AKAP14: variants seen among roughly 807,000 people sequenced by gnomAD.
AKAP14 encodes the protein A-kinase anchoring protein 14.
A neutral mutation model predicts 17.0 loss-of-function variants in AKAP14; 4 were observed. The observed-to-expected ratio is 0.23, with a 90% CI of 0.12 to 0.54. The LOEUF (loss-of-function observed/expected upper bound fraction) is 0.54. Among genes scored for constraint, AKAP14 ranks in the 20% least tolerant of loss-of-function variants. AKAP14 has a pLI of 0.95. For missense variants in AKAP14, 129 were observed against 150.9 expected, an observed-to-expected ratio of 0.85 and a Z score of 0.76; for synonymous variants, 42 against 51.3, an observed-to-expected ratio of 0.82 and a Z score of 0.77.
intron 2 of AKAP14, among the ~76,000 whole-genome samples, chrX:119,902,616 T>C (rs2056572939): frequency 1.8e-5 from 2 of 112,216 alleles, no homozygotes; most frequent in Admixed American, 9.5e-5. Context: ...TTGGAATCAA[T>C]ATTGCTAGGC....
At chrX:119,898,095 G>A (rs1444193186) in intron 2 of AKAP14, among the ~76,000 whole-genome samples, 1 of 111,600 alleles carries the variant, frequency 9.0e-6, no homozygotes, top group African/African-American at 3.3e-5. Context: ...CCCAGGAGGC[G>A]GACGTTGCAG....
Position 119,903,281 on chromosome X carries a change from G to A in AKAP14, c.58G>A (p.Ala20Thr), listed in dbSNP as rs1210211627. ...QKAMDEDNKA[A>T]SQTMPNTQDK... Reference sequence around the variant, plus strand: ...AGCAATGGATGAGGATAACAAAGCCGCAAGCCAAACAATGCCGAATACACA... The same window carrying A: ...AGCAATGGATGAGGATAACAAAGCCACAAGCCAAACAATGCCGAATACACA... The change falls in exon 3 of 7, where the codon GCA becomes ACA. Residue 20 changes from alanine to threonine, a missense_variant. By Grantham distance (58) the Ala-to-Thr change is moderately conservative. Transcript: ENST00000371431. The A allele has an allele frequency of 6.6e-6, 8 of 1,210,160 alleles. No individual in the cohort carries two copies. The highest frequency in any genetic ancestry group is 5.9e-5 in the East Asian group (2 of 33,769).
intron 4 of AKAP14, among the ~76,000 whole-genome samples, chrX:119,905,626 C>T (rs190810744): frequency 2.6e-3 from 287 of 111,284 alleles, no homozygotes; most frequent in Non-Finnish European, 4.3e-3. Flanking sequence ...CTTCTTCCCT[C>T]GGCCACACTT....
chrX:119,903,298 G>A lies in AKAP14; in HGVS notation c.75G>A (p.Pro25=), dbSNP rs752908068. Residue 25 remains proline, a synonymous_variant, in exon 3 of 7, where the codon CCG becomes CCA. Transcript: ENST00000371431. ...ACAAAGCCGCAAGCCAAACAATGCC[G>A]AATACACAAGACAAGAACTACGAGG... The part of the protein sequence containing the change: ...EDNKAASQTM[P]NTQDKNYEDE... The A allele has an allele frequency of 3.3e-6, 4 of 1,210,422 alleles. No individual in the cohort carries two copies. In the South Asian group the frequency reaches 5.3e-5, roughly 16 times the overall value.
At chrX:119,914,479 C>T (rs1227437061) in intron 4 of AKAP14, among the ~76,000 whole-genome samples, 4 of 109,677 alleles carry the variant, frequency 3.6e-5, no homozygotes, top group African/African-American at 1.3e-4. Flanking sequence ...TGCCACCATG[C>T]CTGGCTAATT....
Position 119,911,047 on chromosome X carries a change from C to T in AKAP14, c.262-3652C>T, listed in dbSNP as rs1368509635. 5.6e-5 allele frequency among the ~76,000 whole-genome samples: 6 copies of T among 107,901 alleles called. No homozygotes were observed. The Admixed American group carries it at 6.0e-4, about 11-fold the overall frequency. The allele number at this position is 107,901 out of a possible 115,157, so 93.7% of individuals were successfully genotyped here. ...TTACTATGCCTTACAGATAAGTCAG[C>T]CCTGTTAGAAATGTTTTAATATTGG... is the stretch of plus-strand genomic sequence containing the variant. On this transcript the variant is annotated intron_variant, in intron 4 of 6. Transcript: ENST00000371431.
intron 4 of AKAP14, among the ~76,000 whole-genome samples, chrX:119,904,403 C>G (rs752998087): frequency 8.9e-6 from 1 of 112,762 alleles, no homozygotes; most frequent in East Asian, 2.8e-4. Context: ...CGTGTGGCAG[C>G]TTTGCTGAGA....
At chrX:119,897,281 C>T (rs928402657) in intron 2 of AKAP14, among the ~76,000 whole-genome samples, 17 of 109,500 alleles carry the variant, frequency 1.6e-4, no homozygotes, top group Non-Finnish European at 3.2e-4. Context: ...TGCCTCAGAC[C>T]CCCAAGTAGC....
chrX:119,903,266 G>A lies in AKAP14; in HGVS notation c.43G>A (p.Glu15Lys). ...TTCAACAAGCCAGAAAGCAATGGAT[G>A]AGGATAACAAAGCCGCAAGCCAAAC... ...QNSTSQKAMDEDNKAASQTMP... is the reference protein window; with the variant it reads ...QNSTSQKAMDKDNKAASQTMP... Residue 15 changes from glutamate (E) to lysine (K), a missense_variant, in exon 3 of 7, where the codon GAG becomes AAG. Coordinates refer to ENST00000371431, the MANE Select transcript of AKAP14 (RefSeq NM_178813.6). The A allele has an allele frequency of 8.3e-7, 1 of 1,211,561 alleles. No homozygotes were observed. Among genetic ancestry groups the A allele is most frequent in the African/African-American group, 1.7e-5 (1 of 57,931 alleles).
rs774964685 is a variant in AKAP14, at chrX:119,916,173, TTCTC to T, written c.441+1301_441+1304del. ...AATTTTCCAAAAGTGCTTCTCAAAC[TTCTC>T]TCTCTTTTTTTTTTAAGACAGAGTC... On this transcript the variant is annotated intron_variant, in intron 5 of 6. Transcript: ENST00000371431. Among the ~76,000 whole-genome samples the T allele has an allele frequency of 1.1e-4, 12 of 109,118 alleles. No homozygotes were observed. In the East Asian group the frequency reaches 2.9e-3, roughly 26 times the overall value. 94.8% of individuals were successfully genotyped at this position (109,118 alleles called of 115,157 possible).
chrX:119,909,968 G>GT (rs2056619334), intron 4 of AKAP14, among the ~76,000 whole-genome samples: 1 of 110,371 alleles, frequency 9.1e-6, no homozygotes, highest in East Asian at 2.8e-4. Flanking sequence ...GACCAGCCTG[G>GT]GCAATATAGG....
chrX:119,896,871 C>T (rs768938398), intron 2 of AKAP14, among the ~76,000 whole-genome samples: 1 of 96,587 alleles, frequency 1.0e-5, no homozygotes, highest in East Asian at 3.2e-4. Flanking sequence ...AGTGCAGCAG[C>T]GCGATCAAGG....
At position 119,914,947 on chromosome X, in the gene AKAP14, C is replaced by A; in HGVS notation, c.441+69C>A. On this transcript the variant is annotated intron_variant, in intron 5 of 6. Transcript: ENST00000371431. Reference sequence around the variant, plus strand: ...TGGAGACTTCTCTTGTCAAGGTCATCAATAACCCCATTTTTACAAAATTTA... The same window carrying A: ...TGGAGACTTCTCTTGTCAAGGTCATAAATAACCCCATTTTTACAAAATTTA... 9 of 1,039,827 alleles carry A rather than the reference C, an allele frequency of 8.7e-6. No homozygotes were observed. In the South Asian group the frequency reaches 1.3e-4, roughly 15 times the overall value. 85.7% of individuals were successfully genotyped at this position (1,039,827 alleles called of 1,213,427 possible).
intron 4 of AKAP14, among the ~76,000 whole-genome samples, chrX:119,904,210 T>G (rs948420254): frequency 8.9e-6 from 1 of 111,980 alleles, no homozygotes; most frequent in African/African-American, 3.2e-5. Context: ...AGTGCTGGGA[T>G]TACAGGTGTG....
In AKAP14 at chrX:119,914,742, T is replaced by C. The variant is rs757365089; in HGVS notation, c.305T>C (p.Val102Ala). The change falls in exon 5 of 7, where the codon GTA (valine) becomes GCA (alanine). Residue 102 changes from valine (V) to alanine (A), a missense_variant. Transcript: ENST00000371431. ...KKCWAHGVEFVERKDLIHSFL... is the reference protein window; with the variant it reads ...KKCWAHGVEFAERKDLIHSFL... ...TGCTGGGCACATGGCGTAGAGTTTG[T>C]AGAGAGGAAAGACTTAATTCACAGC... 3.3e-6 allele frequency: 4 copies of C among 1,211,200 alleles called. No homozygotes were observed. The highest frequency in any genetic ancestry group is 1.8e-5 in the South Asian group (1 of 56,944).
chrX:119,909,441 T>A (rs2056615305), intron 4 of AKAP14, among the ~76,000 whole-genome samples: 2 of 107,997 alleles, frequency 1.9e-5, no homozygotes, highest in Non-Finnish European at 3.8e-5. Context: ...GGCAGAAGAA[T>A]CACTTGAACT....
At chrX:119,914,968 A>G in intron 5 of AKAP14, 90 bp downstream of exon 5, 1 of 936,864 alleles carries the variant, frequency 1.1e-6, no homozygotes, top group South Asian at 2.3e-5. Context: ...TTTTTACAAA[A>G]TTTAATAGTC....
In AKAP14 at chrX:119,920,659, A is replaced by G. The variant is rs1461616617; in HGVS notation, c.*52A>G. ...TTTCTCATCAGGATACATTAAAAAT[A>G]CAATACAGCACGTCAAACCACAGAA... is the stretch of plus-strand genomic sequence containing the variant. On this transcript the variant is annotated 3_prime_UTR_variant, in exon 7 of 7. Transcript: ENST00000371431. 2.3e-6 allele frequency: 2 copies of G among 875,968 alleles called. No individual in the cohort carries two copies. 72.2% of individuals were successfully genotyped at this position (875,968 alleles called of 1,213,427 possible).
At chrX:119,919,405 G>A (rs1360907589) in intron 5 of AKAP14, among the ~76,000 whole-genome samples, 2 of 112,159 alleles carry the variant, frequency 1.8e-5, no homozygotes, top group Non-Finnish European at 3.8e-5. Flanking sequence ...GATTCTTAAG[G>A]TATTTGTTGT....
Sources: allele counts gnomAD v4.1 joint callset (sites outside exome capture counted in the v4.1 genomes callset), GRCh38; gene constraint gnomAD v4.1.1; transcripts MANE v1.5; gene names NCBI Gene and HGNC (gene_info 2026-07-23, HGNC 2026-07-21).